C3AR1: variants seen among roughly 807,000 people sequenced by gnomAD.
C3AR1 encodes complement C3a receptor 1.
For synonymous variants in C3AR1, 208 were observed against 225.3 expected (o/e 0.92, Z 0.69); for missense variants, 579 against 583.5 (o/e 0.99, Z 0.08).
Position 8,059,520 on chromosome 12 carries a change from A to G in C3AR1, c.666T>C (p.Pro222=). ...GTTGGAAGACAGTGGGGACTGTCCA[A>G]GGATGATCATTTGTTTGGAAAGAGG... ...DPSSFQTNDH[P]WTVPTVFQPQ... Residue 222 remains proline, a synonymous_variant, in exon 2 of 2, where the codon CCT becomes CCC. Transcript: ENST00000307637. 1 of 1,614,224 alleles carries G rather than the reference A, an allele frequency of 6.2e-7. No individual in the cohort carries two copies. Among genetic ancestry groups the G allele is most frequent in the Non-Finnish European group, 8.5e-7 (1 of 1,180,016 alleles).
rs1417940027 is a variant in C3AR1, at chr12:8,056,923, A to G, written c.*1814T>C. On this transcript the variant is annotated 3_prime_UTR_variant, in exon 2 of 2. Transcript: ENST00000307637. ...ATCAAATATATAAGCAAATTAATAT[A>G]TAAGCTGGAAAGGTAGCACTTCAAA... 6.6e-6 allele frequency among the ~76,000 whole-genome samples: 1 copy of G among 152,270 alleles called. No individual in the cohort carries two copies. Among genetic ancestry groups the G allele is most frequent in the African/African-American group, 2.4e-5 (1 of 41,472 alleles).
rs1265045194 is a variant in C3AR1, at chr12:8,057,860, G to C, written c.*877C>G. ...AGGAAGGGAGTAACTAGAATCTTAC[G>C]AAATTAGAGGTTGTTTGAGGCACAA... is the stretch of plus-strand genomic sequence containing the variant. On this transcript the variant is annotated 3_prime_UTR_variant, in exon 2 of 2. Coordinates refer to ENST00000307637, the MANE Select transcript of C3AR1 (RefSeq NM_004054.4). Among the ~76,000 whole-genome samples the C allele has an allele frequency of 1.3e-5, 2 of 152,102 alleles. No homozygotes were observed. The highest frequency in any genetic ancestry group is 4.8e-5 in the African/African-American group (2 of 41,404).
At position 8,059,192 on chromosome 12, in the gene C3AR1, G is replaced by A; in HGVS notation, c.994C>T (p.Pro332Ser). Residue 332 changes from proline to serine, a missense_variant, in exon 2 of 2, where the codon CCC becomes TCC. Transcript: ENST00000307637. ...QFTDDDQVPTPLVAITITRLV... is the reference protein window; with the variant it reads ...QFTDDDQVPTSLVAITITRLV... ...CTAGTGATCGTTATTGCCACGAGGG[G>A]TGTTGGCACTTGATCGTCATCTGTG... is the stretch of plus-strand genomic sequence containing the variant. 1 of 1,614,194 alleles carries A rather than the reference G, an allele frequency of 6.2e-7. No homozygotes were observed. Among genetic ancestry groups the A allele is most frequent in the Non-Finnish European group, 8.5e-7 (1 of 1,180,018 alleles).
chr12:8,060,441 C>T (rs907175263), intron 1 of C3AR1, among the ~76,000 whole-genome samples: 3 of 152,186 alleles, frequency 2.0e-5, no homozygotes, highest in Non-Finnish European at 2.9e-5. Context: ...GTCGCGCAGG[C>T]TGGAGTGCAG....
In C3AR1 at chr12:8,060,089, T is replaced by G. The variant is rs976141248; in HGVS notation, c.97A>C (p.Thr33Pro). Residue 33 changes from threonine to proline, a missense_variant, in exon 2 of 2, where the codon ACT becomes CCT. Transcript: ENST00000307637. ...TTGCCTGGCAATCCCAGTAAAAAAGTAAGGCTGAGAATGACCATGGAGAGA... is the reference window on the plus strand; with the variant it reads ...TTGCCTGGCAATCCCAGTAAAAAAGGAAGGCTGAGAATGACCATGGAGAGA... ...VILSMVILSL[T>P]FLLGLPGNGL... 4 of 1,613,948 alleles carry G rather than the reference T, an allele frequency of 2.5e-6. No individual in the cohort carries two copies. The highest frequency in any genetic ancestry group is 3.4e-6 in the Non-Finnish European group (4 of 1,180,014).
At position 8,059,878 on chromosome 12, in the gene C3AR1, A is replaced by T. The variant is rs772856114; in HGVS notation, c.308T>A (p.Val103Asp). 20 of 1,614,088 alleles carry T rather than the reference A, an allele frequency of 1.2e-5. No individual in the cohort carries two copies. In the South Asian group the frequency reaches 2.2e-4, roughly 18 times the overall value. Residue 103 changes from valine to aspartate, a missense_variant, in exon 2 of 2, where the codon GTC (valine) becomes GAC (aspartate). Coordinates refer to ENST00000307637, the MANE Select transcript of C3AR1 (RefSeq NM_004054.4). ...FLCKLIPSII[V>D]LNMFASVFLL... ...GAAGACACTGGCAAACATGTTGAGGACAATGATGGAGGGGATGAGCTTGCA... is the reference window on the plus strand; with the variant it reads ...GAAGACACTGGCAAACATGTTGAGGTCAATGATGGAGGGGATGAGCTTGCA...
At chr12:8,062,005 T>A (rs1947278895) in intron 1 of C3AR1, among the ~76,000 whole-genome samples, 1 of 152,246 alleles carries the variant, frequency 6.6e-6, no homozygotes, top group African/African-American at 2.4e-5. Context: ...AGATATCTGA[T>A]CTAAGTGGAA....
chr12:8,060,133 C>T lies in C3AR1; in HGVS notation c.53G>A (p.Trp18Ter). The change falls in exon 2 of 2, where the codon TGG (tryptophan) becomes TAG (stop). Residue 18 changes from tryptophan to a stop codon, truncating the protein, a stop_gained. Transcript: ENST00000307637. LOFTEE classifies it low-confidence loss of function (END_TRUNC). ...GGAGAGAATTACTGGGGGCTCATTC[C>T]ATGGCTGTGAGAGTAGGTCAGTTGA... ...TNSTDLLSQP[W>*]NEPPVILSMV... 1.2e-6 allele frequency: 2 copies of T among 1,613,960 alleles called. No individual in the cohort carries two copies. Among genetic ancestry groups the T allele is most frequent in the Non-Finnish European group, 1.7e-6 (2 of 1,179,864 alleles).
Position 8,059,602 on chromosome 12 carries a change from C to G in C3AR1, c.584G>C (p.Arg195Thr), listed in dbSNP as rs201222488. 1.2e-5 allele frequency: 19 copies of G among 1,614,072 alleles called. No individual in the cohort carries two copies. In the East Asian group the frequency reaches 3.8e-4, roughly 32 times the overall value. The change falls in exon 2 of 2, where the codon AGG (arginine) becomes ACG (threonine). Residue 195 changes from arginine to threonine, a missense_variant. Physicochemically the swap from Arg to Thr is moderately conservative, Grantham distance 71 (BLOSUM62 -1). Transcript: ENST00000307637. ...CGGCTGAACAATGTTTTCAAGAGAC[C>G]TGTTTTCTAGTGGATCTCCATAAAA... ...PDFYGDPLEN[R>T]SLENIVQPPG...
rs746821514 is a variant in C3AR1 at position 8,059,770 on chromosome 12, G to A, written c.416C>T (p.Ala139Val). The A allele has an allele frequency of 1.9e-6, 3 of 1,614,068 alleles. No homozygotes were observed. The highest frequency in any genetic ancestry group is 1.7e-6 in the Non-Finnish European group (2 of 1,179,998). The part of the protein sequence containing the change: ...WCQNHRNVGM[A>V]CSICGCIWVV... Reference sequence around the variant, plus strand: ...CCAGATACATCCACAGATAGAGCAGGCCATCCCTACATTGCGATGATTCTG... The same window carrying A: ...CCAGATACATCCACAGATAGAGCAGACCATCCCTACATTGCGATGATTCTG... The change falls in exon 2 of 2, where the codon GCC becomes GTC. Residue 139 changes from alanine (A) to valine (V), a missense_variant. Ala to Val is a moderately conservative substitution (Grantham distance 64, BLOSUM62 0). Transcript: ENST00000307637.
chr12:8,062,687 C>T (rs1430528915), intron 1 of C3AR1, among the ~76,000 whole-genome samples: 5 of 152,154 alleles, frequency 3.3e-5, no homozygotes, highest in Non-Finnish European at 7.3e-5. Flanking sequence ...TCTTGTTGCC[C>T]ACGCTGGAGT....
intron 1 of C3AR1, among the ~76,000 whole-genome samples, chr12:8,063,105 G>T (rs986641760): frequency 1.3e-5 from 2 of 151,240 alleles, no homozygotes; most frequent in Non-Finnish European, 2.9e-5. Context: ...TTACAGGCGT[G>T]TACCACCACG....
chr12:8,062,855 G>A (rs1445260606), intron 1 of C3AR1, among the ~76,000 whole-genome samples: 1 of 151,552 alleles, frequency 6.6e-6, no homozygotes. Context: ...CTCCATGTTG[G>A]CCAGGATGAT....
intron 1 of C3AR1, among the ~76,000 whole-genome samples, chr12:8,064,774 C>T (rs967084789): frequency 4.0e-5 from 6 of 151,874 alleles, no homozygotes; most frequent in Admixed American, 6.6e-5. Context: ...ATCACGGTAC[C>T]CCCCTAAAAT....
In C3AR1 at chr12:8,059,271, G is replaced by A. The variant is rs1182811492; in HGVS notation, c.915C>T (p.Phe305=). The A allele has an allele frequency of 3.7e-6, 6 of 1,614,162 alleles. 1 individual carries two copies. The highest frequency in any genetic ancestry group is 3.4e-6 in the Non-Finnish European group (4 of 1,180,008). The change falls in exon 2 of 2, where the codon TTC becomes TTT. Residue 305 remains phenylalanine, a synonymous_variant. Coordinates refer to ENST00000307637, the MANE Select transcript of C3AR1 (RefSeq NM_004054.4). ...AACCTTGTGGTAGCTCAGACTCGTA[G>A]AAGGAATTGCTAGAAGCGCTAGGGA... ...KLFPSASSNS[F]YESELPQGFQ...
Position 8,059,085 on chromosome 12 carries a change from G to A in C3AR1, c.1101C>T (p.Arg367=), listed in dbSNP as rs201763103. 2 of 1,614,196 alleles carry A rather than the reference G, an allele frequency of 1.2e-6. No individual in the cohort carries two copies. Among genetic ancestry groups the A allele is most frequent in the East Asian group, 2.2e-5 (1 of 44,880 alleles). The change falls in exon 2 of 2, where the codon CGC becomes CGT. Residue 367 remains arginine (R), a synonymous_variant. Transcript: ENST00000307637. ...AGGTTTTGCTCTGAGACTTGGCGAAGCGGCCCCTTTGCATTCGGAAGACAA... is the reference window on the plus strand; with the variant it reads ...AGGTTTTGCTCTGAGACTTGGCGAAACGGCCCCTTTGCATTCGGAAGACAA... ...SFIVFRMQRG[R]FAKSQSKTFR...
rs762059125 is a variant in C3AR1, at chr12:8,056,870, A to G, written c.*1867T>C. Among the ~76,000 whole-genome samples the G allele has an allele frequency of 6.6e-6, 1 of 152,194 alleles. No individual in the cohort carries two copies. The highest frequency in any genetic ancestry group is 1.5e-5 in the Non-Finnish European group (1 of 68,034). On this transcript the variant is annotated 3_prime_UTR_variant, in exon 2 of 2. Transcript: ENST00000307637. ...TCATAAATCTCTGAGCCTCGCAAGG[A>G]CCCATGAGAAAAAAAGCATTTATTC...
In C3AR1 at chr12:8,060,128, C is replaced by T. The variant is rs1351124498; in HGVS notation, c.58G>A (p.Glu20Lys). The change falls in exon 2 of 2, where the codon GAG becomes AAG. Residue 20 changes from glutamate to lysine, a missense_variant. Coordinates refer to ENST00000307637, the MANE Select transcript of C3AR1 (RefSeq NM_004054.4). ...ACCATGGAGAGAATTACTGGGGGCT[C>T]ATTCCATGGCTGTGAGAGTAGGTCA... ...STDLLSQPWN[E>K]PPVILSMVIL... 3 of 1,613,930 alleles carry T rather than the reference C, an allele frequency of 1.9e-6. No individual in the cohort carries two copies. Among genetic ancestry groups the T allele is most frequent in the East Asian group, 2.2e-5 (1 of 44,874 alleles).
In C3AR1 at chr12:8,059,208, G is replaced by T. The variant is rs1453300461; in HGVS notation, c.978C>A (p.Asp326Glu). 1.2e-6 allele frequency: 2 copies of T among 1,614,196 alleles called. No individual in the cohort carries two copies. Among genetic ancestry groups the T allele is most frequent in the Admixed American group, 1.7e-5 (1 of 60,022 alleles). Residue 326 changes from aspartate (D) to glutamate (E), a missense_variant, in exon 2 of 2, where the codon GAC (aspartate) becomes GAA (glutamate). Coordinates refer to ENST00000307637, the MANE Select transcript of C3AR1 (RefSeq NM_004054.4). ...CCACGAGGGGTGTTGGCACTTGATCGTCATCTGTGAATTGGCCTAAATTGT... is the reference window on the plus strand; with the variant it reads ...CCACGAGGGGTGTTGGCACTTGATCTTCATCTGTGAATTGGCCTAAATTGT... ...DYYNLGQFTD[D>E]DQVPTPLVAI...
Sources: gnomAD v4.1 joint callset for allele counts (sites outside exome capture counted in the v4.1 genomes callset) on GRCh38, gnomAD v4.1.1 for gene constraint, MANE v1.5 for transcripts, NCBI Gene and HGNC (gene_info 2026-07-23, HGNC 2026-07-21) for gene names.